The following SLC23A2 variants were observed in gnomAD, a reference collection of about 807,000 sequenced individuals.
SLC23A2 encodes solute carrier family 23 member 2.
SLC23A2 carries 36 observed loss-of-function variants against 73.3 expected under a neutral mutation model. The ratio of observed to expected loss-of-function variants is 0.49; its 90% confidence interval spans 0.38 to 0.65. The LOEUF is 0.65. SLC23A2 is among the 30% of genes least tolerant of loss of function. SLC23A2 has a pLI of 0.00. For missense variants in SLC23A2, 507 were observed against 841.6 expected (o/e 0.60, Z 4.92); for synonymous variants, 343 against 327.3 (o/e 1.05, Z -0.52).
rs547337474 is a variant in SLC23A2 at position 4,858,613 on chromosome 20, T to C, written c.1720+676A>G. 3.9e-5 allele frequency among the ~76,000 whole-genome samples: 6 copies of C among 152,262 alleles called. No individual in the cohort carries two copies. In the East Asian group the frequency reaches 1.2e-3, roughly 29 times the overall value. ...GCCTAAGAATAAGTATCACCCTTCC[T>C]TGAAGGCAGGGAAATCTGCCAGTAT... is the stretch of plus-strand genomic sequence containing the variant. On this transcript the variant is annotated intron_variant, in intron 16 of 16. Transcript: ENST00000338244.
intron 4 of SLC23A2, among the ~76,000 whole-genome samples, chr20:4,905,013 C>T (rs1011808196): frequency 4.7e-5 from 7 of 149,230 alleles, no homozygotes; most frequent in Non-Finnish European, 8.9e-5. Flanking sequence ...ATTCCGGAGG[C>T]TGAGGCAGGA....
At position 4,859,353 on chromosome 20, in the gene SLC23A2, G is replaced by A. The variant is rs368342772; in HGVS notation, c.1656C>T (p.Val552=). The A allele has an allele frequency of 5.0e-6, 8 of 1,613,266 alleles. No individual in the cohort carries two copies. Among genetic ancestry groups the A allele is most frequent in the African/African-American group, 1.3e-5 (1 of 74,974 alleles). ...GITGIDQVLN[V]LLTTAMFVGG... is the part of the protein sequence containing the mutation. ...CTACAAACATAGCAGTTGTGAGAAG[G>A]ACGTTCAACACTTGATCGATTCCTG... is the stretch of plus-strand genomic sequence containing the variant. Residue 552 remains valine (V), a synonymous_variant, in exon 16 of 17, where the codon GTC becomes GTT. Transcript: ENST00000338244.
intron 6 of SLC23A2, among the ~76,000 whole-genome samples, chr20:4,893,912 G>A (rs1381802049): frequency 6.6e-6 from 1 of 152,158 alleles, no homozygotes; most frequent in African/African-American, 2.4e-5. Flanking sequence ...CAGCCTGCGG[G>A]AAAGTCAGTG....
chr20:4,854,181 G>A lies in SLC23A2; in HGVS notation c.*2791C>T, dbSNP rs991615349. 2 of 152,190 alleles carry A rather than the reference G, an allele frequency of 1.3e-5. No individual in the cohort carries two copies. Among genetic ancestry groups the A allele is most frequent in the Admixed American group, 1.3e-4 (2 of 15,280 alleles). 9.4% of individuals were successfully genotyped at this position (152,190 alleles called of 1,614,324 possible). A position where few individuals can be genotyped will look rare whatever the true frequency, so the allele number is the denominator to read the frequency against. The stretch of plus-strand genomic sequence containing the variant: ...CACTCTACAGGCAAAACAAAGTACG[G>A]GGTGGTGGTTCAAAGCCCCAGCAAC... On this transcript the variant is annotated 3_prime_UTR_variant, in exon 17 of 17. Coordinates refer to ENST00000338244, the MANE Select transcript of SLC23A2 (RefSeq NM_005116.6).
chr20:4,962,142 AT>A (rs549419878), intron 2 of SLC23A2, among the ~76,000 whole-genome samples: 2 of 104,718 alleles, frequency 1.9e-5, no homozygotes, highest in African/African-American at 7.3e-5. Flanking sequence ...AAATGATATT[AT>A]TTTAAAAAAA....
chr20:4,985,136 C>A lies in SLC23A2; in HGVS notation c.-281-14217G>T, dbSNP rs796827152. Among the ~76,000 whole-genome samples, 1,491 of 103,730 alleles carry A rather than the reference C, an allele frequency of 0.014. 40 individuals are homozygous for A. In the South Asian group the frequency reaches 0.17, roughly 12 times the overall value. 68.1% of individuals were successfully genotyped at this position (103,730 alleles called of 152,430 possible). A position where few individuals can be genotyped will look rare whatever the true frequency, so the allele number is the denominator to read the frequency against. ...TGGTGACAGAGCAAGACTCCGTCTC[C>A]AAAAAAAAAAAAAAAAAAAGTTAAA... On this transcript the variant is annotated intron_variant, in intron 1 of 16. Coordinates refer to ENST00000338244, the MANE Select transcript of SLC23A2 (RefSeq NM_005116.6).
At chr20:4,996,225 C>T (rs539580805) in intron 1 of SLC23A2, among the ~76,000 whole-genome samples, 3 of 152,260 alleles carry the variant, frequency 2.0e-5, no homozygotes, top group Admixed American at 6.5e-5. Flanking sequence ...AACAGAGAAG[C>T]GCACCTTATC....
rs1259699774 is a variant in SLC23A2, at chr20:4,899,599, G to A, written c.438C>T (p.Phe146=). The A allele has an allele frequency of 6.2e-7, 1 of 1,614,136 alleles. No homozygotes were observed. Among genetic ancestry groups the A allele is most frequent in the Admixed American group, 1.7e-5 (1 of 60,028 alleles). ...ATSQLIGTIF[F]CVGITTLLQT... is the part of the protein sequence containing the mutation. ...GTAGCAAAGTAGTGATTCCCACACA[G>A]AAGAAAATGGTCCCAATGAGCTGGC... Residue 146 remains phenylalanine, a synonymous_variant, in exon 6 of 17, where the codon TTC becomes TTT. Transcript: ENST00000338244. This position sits in a 1 kb window ranked among gnomAD's most constrained non-coding sequence, Gnocchi z 4.9.
At chr20:4,915,290 G>A (rs1263546151) in intron 3 of SLC23A2, among the ~76,000 whole-genome samples, 3 of 152,008 alleles carry the variant, frequency 2.0e-5, no homozygotes, top group Non-Finnish European at 4.4e-5. Context: ...TAAGTGTTTG[G>A]ATCTTTTATG....
At chr20:4,966,809 T>TTTTACAC (rs1182353939) in intron 2 of SLC23A2, among the ~76,000 whole-genome samples, 23 of 109,746 alleles carry the variant, frequency 2.1e-4, no homozygotes, top group East Asian at 8.1e-4. Flanking sequence ...TTGATAGTTT[T>TTTTACAC]ACACACACAC....
chr20:4,999,377 T>G (rs925927757), intron 1 of SLC23A2, among the ~76,000 whole-genome samples: 1 of 152,158 alleles, frequency 6.6e-6, no homozygotes, highest in Non-Finnish European at 1.5e-5. Flanking sequence ...GACAGACTAC[T>G]CAGTGGGTGG....
intron 1 of SLC23A2, among the ~76,000 whole-genome samples, chr20:4,985,013 TGTA>T: frequency 6.6e-6 from 1 of 151,958 alleles, no homozygotes. Context: ...GGCACGTGCC[TGTA>T]GTTCCGGCTA....
At position 4,912,860 on chromosome 20, in the gene SLC23A2, C is replaced by T. The variant is rs780065579; in HGVS notation, c.207+20G>A. The stretch of plus-strand genomic sequence containing the variant: ...GGGGATGGCGGTGGGAGTGGGGACA[C>T]GGGGTGACGGAAGGGGTACCTTTTC... On this transcript the variant is annotated intron_variant, in intron 4 of 16. Coordinates refer to ENST00000338244, the MANE Select transcript of SLC23A2 (RefSeq NM_005116.6). 18 of 1,508,766 alleles carry T rather than the reference C, an allele frequency of 1.2e-5. No homozygotes were observed. Among genetic ancestry groups the T allele is most frequent in the Admixed American group, 6.7e-5 (4 of 59,820 alleles). The allele number at this position is 1,508,766 out of a possible 1,614,324, so 93.5% of individuals were successfully genotyped here.
Position 4,913,440 on chromosome 20 carries a change from G to A in SLC23A2, c.109-462C>T, listed in dbSNP as rs117987608. On this transcript the variant is annotated intron_variant, in intron 3 of 16. Transcript: ENST00000338244. ...CGGTAAGGGGCCACACCATCGTCCCGGGTTCTGCCAGCCAGTAGCAAGAGC... is the reference window on the plus strand; with the variant it reads ...CGGTAAGGGGCCACACCATCGTCCCAGGTTCTGCCAGCCAGTAGCAAGAGC... 2.7e-3 allele frequency among the ~76,000 whole-genome samples: 412 copies of A among 152,220 alleles called. 2 individuals are homozygous for A. Among genetic ancestry groups the A allele is most frequent in the Admixed American group, 5.0e-3 (77 of 15,288 alleles).
chr20:4,900,447 C>T (rs1931702505), intron 5 of SLC23A2, among the ~76,000 whole-genome samples: 1 of 152,176 alleles, frequency 6.6e-6, no homozygotes, highest in Non-Finnish European at 1.5e-5. Flanking sequence ...CCTAGTTAGT[C>T]ATACTGTATT....
chr20:4,933,808 A>G (rs974071625), intron 2 of SLC23A2, among the ~76,000 whole-genome samples: 2 of 152,170 alleles, frequency 1.3e-5, no homozygotes, highest in Non-Finnish European at 2.9e-5. Context: ...ATCAGATCTT[A>G]CCACCAATTA....
rs983411320 is a variant in SLC23A2 at position 4,944,115 on chromosome 20, G to A, written c.-154-11399C>T. 5.3e-5 allele frequency among the ~76,000 whole-genome samples: 8 copies of A among 152,116 alleles called. No homozygotes were observed. The East Asian group carries it at 5.8e-4, about 11-fold the overall frequency. On this transcript the variant is annotated intron_variant, in intron 2 of 16. Coordinates refer to ENST00000338244, the MANE Select transcript of SLC23A2 (RefSeq NM_005116.6). ...CCACTTGCTCTATGTAAACACTATC[G>A]CAATAAAATTGACTTTAGAAGACTA...
chr20:4,915,950 C>CA (rs2122902580), intron 3 of SLC23A2, among the ~76,000 whole-genome samples: 1 of 151,928 alleles, frequency 6.6e-6, no homozygotes, highest in South Asian at 2.1e-4. Context: ...TCCATCTCAA[C>CA]AAATAAAAAA....
At chr20:4,866,538 C>T (rs1930208163) in intron 13 of SLC23A2, among the ~76,000 whole-genome samples, 1 of 152,144 alleles carries the variant, frequency 6.6e-6, no homozygotes, top group South Asian at 2.1e-4. Flanking sequence ...GAGGAAGCGC[C>T]CCTCAGACAA....
Sources: gnomAD v4.1 joint callset for allele counts (sites outside exome capture counted in the v4.1 genomes callset) on GRCh38, gnomAD v4.1.1 for gene constraint, Gnocchi (gnomAD v3.1) non-coding constraint, MANE v1.5 for transcripts, NCBI Gene and HGNC (gene_info 2026-07-23, HGNC 2026-07-21) for gene names.